THOC1: variants seen among roughly 807,000 people sequenced by gnomAD.
THOC1 encodes THO complex subunit 1, also known as THO complex 1.
Under a neutral mutation model 97.3 loss-of-function variants are expected in THOC1, and 29 were observed. That is an observed-to-expected ratio of 0.30 (90% CI 0.22 to 0.41). THOC1 has a LOEUF of 0.41. THOC1 is among the 10% of genes least tolerant of loss of function. The pLI is 1.00. For synonymous variants in THOC1, 255 were observed against 257.0 expected (o/e 0.99, Z 0.07); for missense variants, 529 against 761.9 (o/e 0.69, Z 3.60).
At chr18:240,892 GGA>G (rs1911873287) in intron 11 of THOC1, among the ~76,000 whole-genome samples, 1 of 152,138 alleles carries the variant, frequency 6.6e-6, no homozygotes, top group Non-Finnish European at 1.5e-5. Flanking sequence ...GGGGTTGGTG[GGA>G]GACAGTGACA....
intron 4 of THOC1, among the ~76,000 whole-genome samples, chr18:261,971 C>G (rs1912619400): frequency 6.6e-6 from 1 of 152,194 alleles, no homozygotes; most frequent in African/African-American, 2.4e-5. Flanking sequence ...CAATCTCTCT[C>G]CTTACCCTTA....
At position 214,623 on chromosome 18, in the gene THOC1, A is replaced by AAGCTAACT; in HGVS notation, c.1969_*2dup. The AAGCTAACT allele has an allele frequency of 6.3e-7, 1 of 1,585,878 alleles. No homozygotes were observed. The highest frequency in any genetic ancestry group is 8.6e-7 in the Non-Finnish European group (1 of 1,167,456). On this transcript the variant is annotated 3_prime_UTR_variant, in exon 21 of 21. Transcript: ENST00000261600. ...GTTTTAATAAAAAGAAAAAAAAAAG[A>AAGCTAACT]AGCTAACTATTTGTCTCATTGTCAT...
chr18:226,700 G>T (rs1911301401), intron 12 of THOC1, 101 bp downstream of exon 12: 10 of 784,672 alleles, frequency 1.3e-5, no homozygotes, highest in Non-Finnish European at 2.1e-5. Flanking sequence ...TAGGGATACA[G>T]CCTTAACATG....
Position 265,535 on chromosome 18 carries a change from A to G in THOC1, c.55-5T>C. On this transcript the variant is annotated splice_polypyrimidine_tract_variant and splice_region_variant and intron_variant, in intron 1 of 20. Transcript: ENST00000261600. ...CAAGGCCTCTCTGGTAGACTTCTAA[A>G]AAAAAATTAAAATGGCAAATAATTG... 6.4e-7 allele frequency: 1 copy of G among 1,558,206 alleles called. No homozygotes were observed. The highest frequency in any genetic ancestry group is 1.4e-5 in the African/African-American group (1 of 73,136).
rs752821982 is a variant in THOC1 at position 250,026 on chromosome 18, AC to A, written c.678-2070del. On this transcript the variant is annotated intron_variant, in intron 9 of 20. Coordinates refer to ENST00000261600, the MANE Select transcript of THOC1 (RefSeq NM_005131.3). The stretch of plus-strand genomic sequence containing the variant: ...CTTCACATCTAATTTAACACTTAAT[AC>A]CAATCACAATATTATTCCATGTTGC... Among the ~76,000 whole-genome samples the A allele has an allele frequency of 3.9e-5, 6 of 152,200 alleles. No individual in the cohort carries two copies. In the East Asian group the frequency reaches 7.7e-4, roughly 20 times the overall value.
chr18:260,919 T>C (rs1026441764), intron 4 of THOC1: 2 of 152,200 alleles, frequency 1.3e-5, no homozygotes, highest in African/African-American at 4.8e-5. Context: ...TAAAAGACTA[T>C]AGAAACTAAA....
chr18:219,737 C>T (rs1911013805), intron 17 of THOC1, among the ~76,000 whole-genome samples: 1 of 152,004 alleles, frequency 6.6e-6, no homozygotes, highest in African/African-American at 2.4e-5. Flanking sequence ...AAGAGGGCAG[C>T]CAGGGTATTT....
chr18:256,372 G>A (rs962886586), intron 7 of THOC1, among the ~76,000 whole-genome samples: 1 of 152,126 alleles, frequency 6.6e-6, no homozygotes, highest in African/African-American at 2.4e-5. Context: ...GACTTCGAGG[G>A]GTTCAAGACT....
intron 7 of THOC1, among the ~76,000 whole-genome samples, chr18:257,069 T>C (rs1017709966): frequency 1.3e-5 from 2 of 152,228 alleles, no homozygotes; most frequent in Non-Finnish European, 2.9e-5. Flanking sequence ...GCATACTTAA[T>C]AGACTACAGC....
At chr18:264,203 A>T in intron 3 of THOC1, 111 bp from the exon 4 acceptor site, 2 of 684,446 alleles carry the variant, frequency 2.9e-6, no homozygotes, top group Non-Finnish European at 4.8e-6. Context: ...AATATGGAAT[A>T]CAATATTTCT....
At chr18:235,446 A>G (rs1251586162) in intron 11 of THOC1, among the ~76,000 whole-genome samples, 1 of 151,886 alleles carries the variant, frequency 6.6e-6, no homozygotes, top group Non-Finnish European at 1.5e-5. Context: ...CTTTCTTGAC[A>G]TTTTTTCCAT....
At position 230,265 on chromosome 18, in the gene THOC1, G is replaced by A. The variant is rs1402058169; in HGVS notation, c.919-3364C>T. 2.0e-5 allele frequency among the ~76,000 whole-genome samples: 3 copies of A among 151,568 alleles called. No homozygotes were observed. In the East Asian group the frequency reaches 5.8e-4, roughly 29 times the overall value. ...ACAAACCTAAAGGTGGAGAGTGGGGGTTGGGGGATGGGGGTGCAAGAAGGG... is the reference window on the plus strand; with the variant it reads ...ACAAACCTAAAGGTGGAGAGTGGGGATTGGGGGATGGGGGTGCAAGAAGGG... On this transcript the variant is annotated intron_variant, in intron 11 of 20. Coordinates refer to ENST00000261600, the MANE Select transcript of THOC1 (RefSeq NM_005131.3).
chr18:237,478 T>C (rs921720103), intron 11 of THOC1, among the ~76,000 whole-genome samples: 3 of 152,110 alleles, frequency 2.0e-5, no homozygotes, highest in Non-Finnish European at 4.4e-5. Flanking sequence ...ATTTCCTTTT[T>C]AAATTGTTGA....
chr18:259,753 C>A, intron 5 of THOC1, 23 bp from the exon 6 acceptor site: 1 of 1,511,346 alleles, frequency 6.6e-7, no homozygotes. Context: ...CGGAAATTAT[C>A]ACTCTTCTTC....
At position 254,161 on chromosome 18, in the gene THOC1, C is replaced by T; in HGVS notation, c.603+112G>A. The T allele has an allele frequency of 1.3e-6, 1 of 746,512 alleles. No homozygotes were observed. 46.2% of individuals were successfully genotyped at this position (746,512 alleles called of 1,614,324 possible). ...TCCTAGGCTCAAGCGATCTGCCCAC[C>T]TCAGCCTCCCAAAGTGCTAGGATTA... is the stretch of plus-strand genomic sequence containing the variant. On this transcript the variant is annotated intron_variant, in intron 8 of 20. Transcript: ENST00000261600. This position sits in a 1 kb window ranked among gnomAD's most constrained non-coding sequence, Gnocchi z 4.1.
At chr18:224,787 G>T in intron 15 of THOC1, 137 bp downstream of exon 15, 1 of 722,216 alleles carries the variant, frequency 1.4e-6, no homozygotes, top group Non-Finnish European at 2.3e-6. Flanking sequence ...CTCTTACAAA[G>T]TTCAACTTAC....
chr18:218,331 C>T (rs1910964123), intron 18 of THOC1, among the ~76,000 whole-genome samples: 1 of 152,172 alleles, frequency 6.6e-6, no homozygotes, highest in African/African-American at 2.4e-5. Flanking sequence ...CTTTAAACCA[C>T]TACTCTTCAA....
Position 254,192 on chromosome 18 carries a change from G to A in THOC1, c.603+81C>T. On this transcript the variant is annotated intron_variant, in intron 8 of 20. Transcript: ENST00000261600. This position sits in a 1 kb window ranked among gnomAD's most constrained non-coding sequence, Gnocchi z 4.1. ...CTCCCAAAGTGCTAGGATTACAAGTGTGAGCCACTGTGCCTGGACCCACTA... is the reference window on the plus strand; with the variant it reads ...CTCCCAAAGTGCTAGGATTACAAGTATGAGCCACTGTGCCTGGACCCACTA... 2 of 970,596 alleles carry A rather than the reference G, an allele frequency of 2.1e-6. No individual in the cohort carries two copies. Among genetic ancestry groups the A allele is most frequent in the Non-Finnish European group, 3.2e-6 (2 of 623,050 alleles). 60.1% of individuals were successfully genotyped at this position (970,596 alleles called of 1,614,324 possible). A position where few individuals can be genotyped will look rare whatever the true frequency, so the allele number is the denominator to read the frequency against.
intron 17 of THOC1, 104 bp downstream of exon 17, chr18:223,336 A>G (rs2143160782): frequency 1.1e-6 from 1 of 892,120 alleles, no homozygotes; most frequent in East Asian, 3.0e-5. Context: ...CAACCACAAT[A>G]AACTTTTAAA....
Sources: gnomAD v4.1 joint callset for allele counts (sites outside exome capture counted in the v4.1 genomes callset) on GRCh38, gnomAD v4.1.1 for gene constraint, Gnocchi (gnomAD v3.1) non-coding constraint, MANE v1.5 for transcripts, NCBI Gene and HGNC (gene_info 2026-07-23, HGNC 2026-07-21) for gene names.